ECT2: variants seen among roughly 807,000 people sequenced by gnomAD.
The protein encoded by ECT2 is protein ECT2.
Under a neutral mutation model 116.9 loss-of-function variants are expected in ECT2, and 61 were observed. That is an observed-to-expected ratio of 0.52 (90% CI 0.42 to 0.65). The LOEUF (loss-of-function observed/expected upper bound fraction) is 0.65. ECT2 is among the 30% of genes least tolerant of loss of function. The pLI is 0.00. For synonymous variants in ECT2, 358 were observed against 346.4 expected (o/e 1.03, Z -0.37); for missense variants, 937 against 1,078.7 (o/e 0.87, Z 1.84).
intron 24 of ECT2, 131 bp from the exon 25 acceptor site, chr3:172,820,017 G>A (rs1730475493): frequency 1.8e-6 from 1 of 564,534 alleles, no homozygotes; most frequent in Non-Finnish European, 3.0e-6. Context: ...GTTTAGAATT[G>A]TCAGATGTCT....
At chr3:172,819,381 G>A (rs1171300861) in intron 24 of ECT2, among the ~76,000 whole-genome samples, 1 of 152,024 alleles carries the variant, frequency 6.6e-6, no homozygotes, top group Non-Finnish European at 1.5e-5. Context: ...CATGTTATTT[G>A]TTAGAGTTGT....
chr3:172,787,664 A>G (rs1285510929), intron 18 of ECT2, among the ~76,000 whole-genome samples: 1 of 152,166 alleles, frequency 6.6e-6, no homozygotes, highest in Non-Finnish European at 1.5e-5. Flanking sequence ...TAATTTTTCA[A>G]CACCTTATGG....
At chr3:172,756,890 A>T in intron 4 of ECT2, 93 bp from the exon 5 acceptor site, 1 of 1,044,490 alleles carries the variant, frequency 9.6e-7, no homozygotes, top group Non-Finnish European at 1.4e-6. Context: ...GTTAAAGTTG[A>T]TATTGAATTG....
At chr3:172,819,961 A>G (rs988335498) in intron 24 of ECT2, among the ~76,000 whole-genome samples, 187 bp from the exon 25 acceptor site, 1 of 152,078 alleles carries the variant, frequency 6.6e-6, no homozygotes, top group South Asian at 2.1e-4. Flanking sequence ...AGAATGCTAT[A>G]ATAGTTTTCT....
the ECT2 span, chr3:172,829,055 G>A: frequency 1.4e-6 from 1 of 734,238 alleles, no homozygotes. Flanking sequence ...CTGTGGGAAG[G>A]CTGTTTAGAT....
chr3:172,774,729 C>T (rs544792614), intron 14 of ECT2, among the ~76,000 whole-genome samples: 2 of 152,290 alleles, frequency 1.3e-5, no homozygotes, highest in East Asian at 1.9e-4. Context: ...GTCTCAAACT[C>T]CTGGACTCAA....
intron 8 of ECT2, 52 bp from the exon 9 acceptor site, chr3:172,762,364 A>C (rs1201870371): frequency 2.0e-6 from 3 of 1,528,882 alleles, no homozygotes; most frequent in Non-Finnish European, 2.6e-6. Context: ...TGATATACCT[A>C]ACACTTGAAT....
chr3:172,826,500 CTG>C, the ECT2 span, among the ~76,000 whole-genome samples: 1 of 152,200 alleles, frequency 6.6e-6, no homozygotes, highest in African/African-American at 2.4e-5. Context: ...GCTGTGAACA[CTG>C]TTGAAATGAC....
chr3:172,805,613 G>C, intron 20 of ECT2, 118 bp from the exon 21 acceptor site: 2 of 1,004,110 alleles, frequency 2.0e-6, no homozygotes, highest in East Asian at 5.3e-5. Context: ...ACTTTGTAAC[G>C]AATAATAACT....
At position 172,786,460 on chromosome 3, in the gene ECT2, T is replaced by G. The variant is rs1040127444; in HGVS notation, c.1826-33T>G. On this transcript the variant is annotated intron_variant, in intron 17 of 24. Coordinates refer to ENST00000392692, the MANE Select transcript of ECT2 (RefSeq NM_001258315.2). Reference sequence around the variant, plus strand: ...TCTTAGATGAGAAATCACTGAATTTTTTATGCATGGAAAAAACATTGTATT... The same window carrying G: ...TCTTAGATGAGAAATCACTGAATTTGTTATGCATGGAAAAAACATTGTATT... 12 of 1,446,642 alleles carry G rather than the reference T, an allele frequency of 8.3e-6. No individual in the cohort carries two copies. The African/African-American group carries it at 1.7e-4, about 20-fold the overall frequency. 89.6% of individuals were successfully genotyped at this position (1,446,642 alleles called of 1,614,324 possible).
At chr3:172,794,090 TC>T (rs1725184659) in intron 18 of ECT2, among the ~76,000 whole-genome samples, 2 of 152,274 alleles carry the variant, frequency 1.3e-5, no homozygotes, top group South Asian at 4.1e-4. Context: ...AAATAAGAGT[TC>T]TAGATTTTTA....
intron 22 of ECT2, among the ~76,000 whole-genome samples, chr3:172,808,867 G>A (rs1728227558): frequency 6.6e-6 from 1 of 152,120 alleles, no homozygotes; most frequent in Non-Finnish European, 1.5e-5. Flanking sequence ...TCCTTCCAAA[G>A]TATTTAGAAC....
At chr3:172,759,905 G>A (rs1164825821) in intron 6 of ECT2, among the ~76,000 whole-genome samples, 1 of 152,174 alleles carries the variant, frequency 6.6e-6, no homozygotes, top group Non-Finnish European at 1.5e-5. Context: ...TTAGGCCATA[G>A]GAAAGGCGGT....
chr3:172,807,595 G>T, intron 21 of ECT2, 175 bp from the exon 22 acceptor site: 1 of 629,544 alleles, frequency 1.6e-6, no homozygotes, highest in Admixed American at 3.2e-5. Flanking sequence ...TGTGTTTTCA[G>T]TACTTCAACT....
intron 15 of ECT2, among the ~76,000 whole-genome samples, chr3:172,783,322 A>T (rs773251183): frequency 3.3e-5 from 5 of 152,124 alleles, no homozygotes; most frequent in Non-Finnish European, 4.4e-5. Flanking sequence ...AAAAATTTAC[A>T]AATTATTTTC....
At chr3:172,780,993 T>G (rs190314353) in intron 14 of ECT2, among the ~76,000 whole-genome samples, 1 of 152,342 alleles carries the variant, frequency 6.6e-6, no homozygotes, top group African/African-American at 2.4e-5. Context: ...ATTCATTTTT[T>G]CTGTGATTTC....
At chr3:172,801,372 A>G (rs568031349) in intron 18 of ECT2, among the ~76,000 whole-genome samples, 1 of 152,240 alleles carries the variant, frequency 6.6e-6, no homozygotes, top group Non-Finnish European at 1.5e-5. Flanking sequence ...CTGTTGAGGA[A>G]AGATCTTAGT....
chr3:172,815,727 A>C lies in ECT2; in HGVS notation c.2508+16A>C. The C allele has an allele frequency of 6.9e-7, 1 of 1,448,706 alleles. No homozygotes were observed. Among genetic ancestry groups the C allele is most frequent in the South Asian group, 1.2e-5 (1 of 82,438 alleles). 89.7% of individuals were successfully genotyped at this position (1,448,706 alleles called of 1,614,324 possible). ...TTCAAAAAAGGTGAGTTTTAGTGAAAGTATTATTTAGCACATCTCTAACAT... is the reference window on the plus strand; with the variant it reads ...TTCAAAAAAGGTGAGTTTTAGTGAACGTATTATTTAGCACATCTCTAACAT... On this transcript the variant is annotated intron_variant, in intron 23 of 24. Transcript: ENST00000392692.
intron 8 of ECT2, among the ~76,000 whole-genome samples, chr3:172,762,055 A>G (rs1169078122): frequency 3.3e-5 from 5 of 152,032 alleles, no homozygotes; most frequent in African/African-American, 4.8e-5. Flanking sequence ...TAGTTTTCCA[A>G]GCGCATGATT....
Sources: allele counts gnomAD v4.1 joint callset (sites outside exome capture counted in the v4.1 genomes callset), GRCh38; gene constraint gnomAD v4.1.1; transcripts MANE v1.5; gene names NCBI Gene and HGNC (gene_info 2026-07-23, HGNC 2026-07-21).